The following ISL1 variants were observed in gnomAD, a reference collection of about 807,000 sequenced individuals.
ISL1 encodes insulin gene enhancer protein ISL-1.
A neutral mutation model predicts 35.3 loss-of-function variants in ISL1; 4 were observed. That is an observed-to-expected ratio of 0.11 (90% confidence interval 0.06 to 0.26). ISL1 has a LOEUF of 0.26. Among genes scored for constraint, ISL1 ranks in the 10% least tolerant of loss-of-function variants. The pLI, the probability that ISL1 is intolerant of heterozygous loss-of-function variation, is 1.00. For synonymous variants in ISL1, 186 were observed against 172.3 expected (o/e 1.08, Z -0.62); for missense variants, 340 against 472.8 (o/e 0.72, Z 2.60).
At chr5:51,390,642 C>CTTTTCTTTTT in intron 4 of ISL1, among the ~76,000 whole-genome samples, 1 of 40,248 alleles carries the variant, frequency 2.5e-5, no homozygotes, top group East Asian at 8.1e-4. Context: ...CTTTCTTTTT[C>CTTTTCTTTTT]TTTTTTTTTT....
In ISL1 at chr5:51,383,661, C is replaced by T. The variant is rs1357245844; in HGVS notation, c.-11C>T. ...ACCATTTCACTGTGGACATTACTCC[C>T]TCTTACAGATATGGGAGACATGGGA... is the stretch of plus-strand genomic sequence containing the variant. On this transcript the variant is annotated 5_prime_UTR_variant, in exon 1 of 6. Coordinates refer to ENST00000230658, the MANE Select transcript of ISL1 (RefSeq NM_002202.3). 4.4e-6 allele frequency: 7 copies of T among 1,606,594 alleles called. No individual in the cohort carries two copies. In the South Asian group the frequency reaches 5.5e-5, roughly 13 times the overall value.
chr5:51,393,514 A>G lies in ISL1; in HGVS notation c.954A>G (p.Gly318=). The G allele has an allele frequency of 6.2e-7, 1 of 1,612,946 alleles. No homozygotes were observed. Among genetic ancestry groups the G allele is most frequent in the Non-Finnish European group, 8.5e-7 (1 of 1,178,902 alleles). The change falls in exon 6 of 6, where the codon GGA becomes GGG. Residue 318 remains glycine, a synonymous_variant. Transcript: ENST00000230658. ...FQQLVNFSEG[G]PGSNSTGSEV... is the part of the protein sequence containing the mutation. ...TGCAGGTCAATTTTTCAGAAGGAGG[A>G]CCGGGCTCTAATTCCACTGGCAGTG...
At chr5:51,390,079 T>G in intron 4 of ISL1, 147 bp downstream of exon 4, 14 of 931,064 alleles carry the variant, frequency 1.5e-5, no homozygotes, top group East Asian at 2.7e-5. Flanking sequence ...CTTACCCCCC[T>G]ACCCATGCCC....
At chr5:51,393,249 A>C (rs2111859172) in intron 5 of ISL1, among the ~76,000 whole-genome samples, 1 of 152,384 alleles carries the variant, frequency 6.6e-6, no homozygotes, top group South Asian at 2.1e-4. Context: ...TTAATGCAAC[A>C]TAATGTTGGG....
At position 51,387,627 on chromosome 5, in the gene ISL1, A is replaced by T; in HGVS notation, c.356A>T (p.Glu119Val). 1 of 1,614,200 alleles carries T rather than the reference A, an allele frequency of 6.2e-7. No individual in the cohort carries two copies. Among genetic ancestry groups the T allele is most frequent in the Non-Finnish European group, 8.5e-7 (1 of 1,180,046 alleles). ...ACSRQLIPGD[E>V]FALREDGLFC... Reference sequence around the variant, plus strand: ...AGCCGCCAGCTCATCCCTGGGGACGAATTTGCGCTTCGGGAGGACGGTCTC... The same window carrying T: ...AGCCGCCAGCTCATCCCTGGGGACGTATTTGCGCTTCGGGAGGACGGTCTC... Residue 119 changes from glutamate (E) to valine (V), a missense_variant, in exon 3 of 6, where the codon GAA becomes GTA. Coordinates refer to ENST00000230658, the MANE Select transcript of ISL1 (RefSeq NM_002202.3). This position sits in a 1 kb window ranked among gnomAD's most constrained non-coding sequence, Gnocchi z 4.3.
chr5:51,391,494 G>T, intron 5 of ISL1, 53 bp downstream of exon 5: 1 of 1,596,008 alleles, frequency 6.3e-7, no homozygotes, highest in Non-Finnish European at 8.6e-7. Context: ...GGAGACTCTG[G>T]TTTAACTGTC....
At position 51,387,055 on chromosome 5, in the gene ISL1, G is replaced by A. The variant is rs1747360901; in HGVS notation, c.219-435G>A. On this transcript the variant is annotated intron_variant, in intron 2 of 5. Transcript: ENST00000230658. This position sits in a 1 kb window ranked among gnomAD's most constrained non-coding sequence, Gnocchi z 4.3. Reference sequence around the variant, plus strand: ...GAAATTGTGGGATAGGGAAGTGAAAGTGTTGGTGTCGGTGGCCACCAGAGT... The same window carrying A: ...GAAATTGTGGGATAGGGAAGTGAAAATGTTGGTGTCGGTGGCCACCAGAGT... Among the ~76,000 whole-genome samples, 1 of 152,120 alleles carries A rather than the reference G, an allele frequency of 6.6e-6. No individual in the cohort carries two copies. The highest frequency in any genetic ancestry group is 2.4e-5 in the African/African-American group (1 of 41,422).
Position 51,383,558 on chromosome 5 carries a change from C to A in ISL1, c.-114C>A. 1 of 927,014 alleles carries A rather than the reference C, an allele frequency of 1.1e-6. No individual in the cohort carries two copies. Among genetic ancestry groups the A allele is most frequent in the Non-Finnish European group, 1.8e-6 (1 of 555,514 alleles). 57.4% of individuals were successfully genotyped at this position (927,014 alleles called of 1,614,324 possible). On this transcript the variant is annotated 5_prime_UTR_variant, in exon 1 of 6. Transcript: ENST00000230658. ...CGAGCAGCGGCTCTTTCAGCATTGG[C>A]AACCCCAGGGGCCAATATTTCCCAC...
intron 1 of ISL1, 60 bp downstream of exon 1, chr5:51,383,759 C>G: frequency 2.1e-6 from 3 of 1,430,830 alleles, no homozygotes; most frequent in Non-Finnish European, 3.0e-6. Flanking sequence ...GGTTCTCTCT[C>G]AGGCACAGGC....
At chr5:51,388,900 C>G (rs544840371) in intron 3 of ISL1, among the ~76,000 whole-genome samples, 1 of 152,120 alleles carries the variant, frequency 6.6e-6, no homozygotes, top group Non-Finnish European at 1.5e-5. Flanking sequence ...TATCTAGAGC[C>G]TAGGCAGCTC....
At position 51,389,911 on chromosome 5, in the gene ISL1, G is replaced by A. The variant is rs1191029127; in HGVS notation, c.744G>A (p.Gln248=). The A allele has an allele frequency of 1.2e-6, 2 of 1,613,890 alleles. No homozygotes were observed. The highest frequency in any genetic ancestry group is 1.7e-6 in the Non-Finnish European group (2 of 1,179,888). ...GCATCATGATGAAGCAACTCCAGCA[G>A]CAGCAGCCCAATGACAAAACTGTGA... ...KRSIMMKQLQ[Q]QQPNDKTNIQ... is the part of the protein sequence containing the mutation. Residue 248 remains glutamine (Q), a synonymous_variant, in exon 4 of 6, where the codon CAG becomes CAA. Coordinates refer to ENST00000230658, the MANE Select transcript of ISL1 (RefSeq NM_002202.3). This position sits in a 1 kb window ranked among gnomAD's most constrained non-coding sequence, Gnocchi z 5.0.
chr5:51,390,636 C>CCTTTTTTTTTTTTTTTTTTTTTT (rs1747475980), intron 4 of ISL1, among the ~76,000 whole-genome samples: 28 of 74,326 alleles, frequency 3.8e-4, no homozygotes, highest in African/African-American at 1.2e-3. Context: ...TCTTTTCTTT[C>CCTTTTTTTTTTTTTTTTTTTTTT]TTTTTCTTTT....
intron 2 of ISL1, chr5:51,386,727 TCA>T: frequency 4.7e-6 from 2 of 422,662 alleles, no homozygotes; most frequent in South Asian, 3.4e-5. Context: ...GGTAGATGAT[TCA>T]GCAACTTGAA....
At chr5:51,385,062 G>C (rs534959394) in intron 2 of ISL1, among the ~76,000 whole-genome samples, 20 of 152,218 alleles carry the variant, frequency 1.3e-4, no homozygotes, top group African/African-American at 4.8e-4. Context: ...GGAGAAGTTT[G>C]GATTTTTAGC....
rs1747294944 is a variant in ISL1 at position 51,384,443 on chromosome 5, CCTCCCAGAGTACGCCCTATAA to C, written c.29-97_29-77del. The C allele has an allele frequency of 3.9e-6, 4 of 1,016,998 alleles. No homozygotes were observed. In the South Asian group the frequency reaches 6.1e-5, roughly 15 times the overall value. 63.0% of individuals were successfully genotyped at this position (1,016,998 alleles called of 1,614,324 possible). A position where few individuals can be genotyped will look rare whatever the true frequency, so the allele number is the denominator to read the frequency against. On this transcript the variant is annotated intron_variant, in intron 1 of 5. Transcript: ENST00000230658. ...AGAAAGAAAGAAAGAAAGAAAAAAA[CCTCCCAGAGTACGCCCTATAA>C]GAGAACGACACTAAAAGTGTGTTTA...
intron 2 of ISL1, among the ~76,000 whole-genome samples, chr5:51,385,581 G>GT (rs11404847): frequency 1 from 148,312 of 148,780 alleles, 73,922 homozygotes; most frequent in South Asian, 1. Flanking sequence ...GAGAGTTTTT[G>GT]TTTTTTTTTT....
At position 51,387,663 on chromosome 5, in the gene ISL1, C is replaced by A; in HGVS notation, c.392C>A (p.Ala131Glu). 1 of 1,614,248 alleles carries A rather than the reference C, an allele frequency of 6.2e-7. No individual in the cohort carries two copies. Among genetic ancestry groups the A allele is most frequent in the Non-Finnish European group, 8.5e-7 (1 of 1,180,050 alleles). ...CGGGAGGACGGTCTCTTCTGCCGAG[C>A]AGACCACGATGTGGTGGAGAGGGCC... is the stretch of plus-strand genomic sequence containing the variant. ...ALREDGLFCRADHDVVERASL... is the reference protein window; with the variant it reads ...ALREDGLFCREDHDVVERASL... Residue 131 changes from alanine to glutamate, a missense_variant, in exon 3 of 6, where the codon GCA becomes GAA. Coordinates refer to ENST00000230658, the MANE Select transcript of ISL1 (RefSeq NM_002202.3). The surrounding 1 kb of genome is among the most constrained non-coding windows in gnomAD (Gnocchi z 4.3).
At chr5:51,392,343 T>A (rs1747537188) in intron 5 of ISL1, among the ~76,000 whole-genome samples, 2 of 152,300 alleles carry the variant, frequency 1.3e-5, no homozygotes, top group South Asian at 2.1e-4. Context: ...CCTTATAGAA[T>A]CTTGTTTTAT....
chr5:51,391,387 A>C lies in ISL1; in HGVS notation c.879A>C (p.Val293=). The C allele has an allele frequency of 6.2e-7, 1 of 1,614,200 alleles. No individual in the cohort carries two copies. The highest frequency in any genetic ancestry group is 8.5e-7 in the Non-Finnish European group (1 of 1,180,040). The change falls in exon 5 of 6, where the codon GTA becomes GTC. Residue 293 remains valine, a synonymous_variant. Transcript: ENST00000230658. ...AAAGTTACCAGCCACCTTGGAAAGT[A>C]CTGAGCGACTTCGCCTTGCAGAGTG... ...EVQSYQPPWK[V]LSDFALQSDI...
Sources: gnomAD v4.1 joint callset for allele counts (sites outside exome capture counted in the v4.1 genomes callset) on GRCh38, gnomAD v4.1.1 for gene constraint, Gnocchi (gnomAD v3.1) non-coding constraint, MANE v1.5 for transcripts, NCBI Gene and HGNC (gene_info 2026-07-23, HGNC 2026-07-21) for gene names.